The following CC2D1B variants were observed in gnomAD, a reference collection of about 807,000 sequenced individuals.
CC2D1B encodes the protein coiled-coil and C2 domain-containing protein 1B.
A neutral mutation model predicts 110.8 loss-of-function variants in CC2D1B; 92 were observed. The ratio of observed to expected loss-of-function variants is 0.83; its 90% CI spans 0.70 to 0.99. CC2D1B has a LOEUF of 0.99. Among genes scored for constraint, CC2D1B ranks in the 50% least tolerant of loss-of-function variants. CC2D1B has a pLI of 0.00. For synonymous variants in CC2D1B, 406 were observed against 429.2 expected, an observed-to-expected ratio of 0.95 and a Z score of 0.67; for missense variants, 1,136 against 1,089.0, an observed-to-expected ratio of 1.04 and a Z score of -0.61.
At chr1:52,362,089 T>G (rs1376330534) in intron 3 of CC2D1B, among the ~76,000 whole-genome samples, 1 of 152,206 alleles carries the variant, frequency 6.6e-6, no homozygotes, top group East Asian at 1.9e-4. Flanking sequence ...GCAGGAGCAG[T>G]GAGCCCCTTC....
At chr1:52,354,461 A>G (rs769290817) in intron 23 of CC2D1B, 147 bp downstream of exon 23, 8 of 780,588 alleles carry the variant, frequency 1.0e-5, no homozygotes, top group Admixed American at 9.3e-5. Context: ...CCATCTGTGA[A>G]ATGAGGATTC....
At chr1:52,354,569 G>A (rs779464501) in intron 23 of CC2D1B, 39 bp downstream of exon 23, 45 of 1,553,168 alleles carry the variant, frequency 2.9e-5, no homozygotes, top group East Asian at 9.0e-5. Flanking sequence ...GGCTCTTGTC[G>A]TACCAACCCC....
chr1:52,358,077 C>A, intron 13 of CC2D1B, 179 bp from the exon 14 acceptor site: 1 of 987,364 alleles, frequency 1.0e-6, no homozygotes, highest in Non-Finnish European at 1.4e-6. Context: ...GAAGCTCTCA[C>A]ATCTAACCTC....
chr1:52,353,797 C>A, intron 23 of CC2D1B, 150 bp from the exon 24 acceptor site: 2 of 584,232 alleles, frequency 3.4e-6, no homozygotes, highest in Non-Finnish European at 6.0e-6. Context: ...CCTACCCTCC[C>A]AGTATTTGGA....
Position 52,360,956 on chromosome 1 carries a change from C to T in CC2D1B, c.477+18G>A. The T allele has an allele frequency of 6.2e-7, 1 of 1,613,324 alleles. No homozygotes were observed. The highest frequency in any genetic ancestry group is 8.5e-7 in the Non-Finnish European group (1 of 1,179,764). Reference sequence around the variant, plus strand: ...CACAGGAGCATCAGAGGCACAGGGGCCCTCCTCCAGAACCCACCTGAGCTG... The same window carrying T: ...CACAGGAGCATCAGAGGCACAGGGGTCCTCCTCCAGAACCCACCTGAGCTG... On this transcript the variant is annotated intron_variant, in intron 5 of 24. Transcript: ENST00000284376.
Position 52,351,619 on chromosome 1 carries a change from C to G in CC2D1B, c.*1606G>C, listed in dbSNP as rs1378947167. The G allele has an allele frequency of 6.6e-6, 1 of 152,194 alleles. No homozygotes were observed. The highest frequency in any genetic ancestry group is 2.4e-5 in the African/African-American group (1 of 41,428). 9.4% of individuals were successfully genotyped at this position (152,194 alleles called of 1,614,324 possible). On this transcript the variant is annotated 3_prime_UTR_variant, in exon 25 of 25. Coordinates refer to ENST00000284376, the MANE Select transcript of CC2D1B (RefSeq NM_001330585.2). ...AAGATTGGCCAGCCGGGTGCGGTGG[C>G]TCACACCTGTAATCCCAGCACTTTG... is the stretch of plus-strand genomic sequence containing the variant.
chr1:52,362,501 G>A lies in CC2D1B; in HGVS notation c.214+101C>T, dbSNP rs1646801994. 4 of 1,406,522 alleles carry A rather than the reference G, an allele frequency of 2.8e-6. No homozygotes were observed. In the Admixed American group the frequency reaches 5.5e-5, roughly 19 times the overall value. 87.1% of individuals were successfully genotyped at this position (1,406,522 alleles called of 1,614,324 possible). ...CGGCAGATGGGTATTGGAAGGACCA[G>A]GGGATCTGGCTGGCTCCGTCCAGCT... On this transcript the variant is annotated intron_variant, in intron 3 of 24. Coordinates refer to ENST00000284376, the MANE Select transcript of CC2D1B (RefSeq NM_001330585.2).
chr1:52,355,030 C>G, intron 21 of CC2D1B, 91 bp from the exon 22 acceptor site: 1 of 1,015,258 alleles, frequency 9.8e-7, no homozygotes. Context: ...TGCCTTCCCC[C>G]AATCTCTCCA....
At position 52,356,514 on chromosome 1, in the gene CC2D1B, C is replaced by T. The variant is rs1471020224; in HGVS notation, c.1879-72G>A. On this transcript the variant is annotated intron_variant, in intron 16 of 24. Transcript: ENST00000284376. ...GCCTTGGTTGGCATTCAAGGCTAGA[C>T]TTCTCAAAGCTTCAACTTTCCTCTG... 10 of 1,516,850 alleles carry T rather than the reference C, an allele frequency of 6.6e-6. No homozygotes were observed. The South Asian group carries it at 6.7e-5, about 10-fold the overall frequency. The allele number at this position is 1,516,850 out of a possible 1,614,324, so 94.0% of individuals were successfully genotyped here.
intron 13 of CC2D1B, 46 bp from the exon 14 acceptor site, chr1:52,357,944 A>G: frequency 6.6e-7 from 1 of 1,520,564 alleles, no homozygotes; most frequent in Non-Finnish European, 8.8e-7. Flanking sequence ...GTTCCCTAGC[A>G]TAGTCATGGC....
rs1293351203 is a variant in CC2D1B at position 52,356,423 on chromosome 1, T to C, written c.1898A>G (p.Lys633Arg). ...CACGTTGCCCTGGTGCATGAACTGC[T>C]TGGAGAACAGCAGGCACTTCTGAAA... ...EQQEKCLLFS[K>R]QFMHQGNVAE... Residue 633 changes from lysine to arginine, a missense_variant, in exon 17 of 25, where the codon AAG becomes AGG. Coordinates refer to ENST00000284376, the MANE Select transcript of CC2D1B (RefSeq NM_001330585.2). 1.2e-6 allele frequency: 2 copies of C among 1,614,132 alleles called. No homozygotes were observed. The highest frequency in any genetic ancestry group is 2.7e-5 in the African/African-American group (2 of 74,958).
At chr1:52,356,785 CTGT>C (rs1646662653) in intron 16 of CC2D1B, 1 of 606,792 alleles carries the variant, frequency 1.6e-6, no homozygotes, top group African/African-American at 1.8e-5. Context: ...TCCCTCTTCT[CTGT>C]TGTTTGTACC....
In CC2D1B at chr1:52,353,659, A is replaced by G. The variant is rs776262672; in HGVS notation, c.2431-12T>C. ...CTTCCATCCAGGACCTGTGAGGACC[A>G]CAGAGAGGGAAATGGTAACTAAGGG... On this transcript the variant is annotated splice_polypyrimidine_tract_variant and intron_variant, in intron 23 of 24. Coordinates refer to ENST00000284376, the MANE Select transcript of CC2D1B (RefSeq NM_001330585.2). 70 of 1,577,486 alleles carry G rather than the reference A, an allele frequency of 4.4e-5. No individual in the cohort carries two copies. Among genetic ancestry groups the G allele is most frequent in the Non-Finnish European group, 6.0e-5 (70 of 1,160,582 alleles).
At chr1:52,357,973 G>A in intron 13 of CC2D1B, 75 bp from the exon 14 acceptor site, 1 of 1,513,160 alleles carries the variant, frequency 6.6e-7, no homozygotes. Flanking sequence ...GACTTGGGCT[G>A]TCTTCCTAAC....
chr1:52,361,702 C>A, intron 3 of CC2D1B, 86 bp from the exon 4 acceptor site: 1 of 1,522,756 alleles, frequency 6.6e-7, no homozygotes. Flanking sequence ...TCCACCCAGG[C>A]AGAAATCCCT....
In CC2D1B at chr1:52,360,234, C is replaced by T. The variant is rs1404880459; in HGVS notation, c.604-1G>A. On this transcript the variant is annotated splice_acceptor_variant, in intron 6 of 24. Coordinates refer to ENST00000284376, the MANE Select transcript of CC2D1B (RefSeq NM_001330585.2). LOFTEE classifies it high-confidence loss of function. ...CAGAGGCTAGCTGCGACTCCAAGGT[C>T]TGAGGGAGAGAACTGGTCCAGAAAC... The T allele has an allele frequency of 6.2e-7, 1 of 1,613,982 alleles. No individual in the cohort carries two copies. Among genetic ancestry groups the T allele is most frequent in the Admixed American group, 1.7e-5 (1 of 59,994 alleles).
intron 21 of CC2D1B, 25 bp downstream of exon 21, chr1:52,355,372 GA>G: frequency 6.2e-7 from 1 of 1,612,924 alleles, no homozygotes; most frequent in Non-Finnish European, 8.5e-7. Context: ...TGAGGGAGGA[GA>G]AAGAGGCCCA....
intron 16 of CC2D1B, 118 bp downstream of exon 16, chr1:52,356,883 T>G: frequency 3.3e-6 from 4 of 1,217,776 alleles, no homozygotes; most frequent in Non-Finnish European, 4.5e-6. Flanking sequence ...AGTCACACAG[T>G]GAGTAAGTGG....
Position 52,359,269 on chromosome 1 carries a change from A to G in CC2D1B, c.1107T>C (p.Pro369=). The G allele has an allele frequency of 6.2e-7, 1 of 1,612,852 alleles. No homozygotes were observed. The highest frequency in any genetic ancestry group is 8.5e-7 in the Non-Finnish European group (1 of 1,179,390). ...CCCTACCTGGGGTTGCTGGGACGTC[A>G]GGGGCCATCACTGGCTGCACTCGCT... ...AVERVQPVMA[P]DVPATPVAPT... The change falls in exon 10 of 25, where the codon CCT becomes CCC. Residue 369 remains proline (P), a synonymous_variant. Coordinates refer to ENST00000284376, the MANE Select transcript of CC2D1B (RefSeq NM_001330585.2).
Sources: allele counts gnomAD v4.1 joint callset (sites outside exome capture counted in the v4.1 genomes callset), GRCh38; gene constraint gnomAD v4.1.1; transcripts MANE v1.5; gene names NCBI Gene and HGNC (gene_info 2026-07-23, HGNC 2026-07-21).